Variants in ZNF536 observed in about 807,000 individuals in gnomAD.
ZNF536 encodes zinc finger protein 536.
Under a neutral mutation model 84.5 loss-of-function variants are expected in ZNF536, and 13 were observed. That is an observed-to-expected ratio of 0.15 (90% CI 0.10 to 0.24). ZNF536 has a LOEUF of 0.24. ZNF536 is among the 10% of genes least tolerant of loss of function. ZNF536 has a pLI of 1.00. For synonymous variants in ZNF536, 811 were observed against 742.5 expected, an observed-to-expected ratio of 1.09 and a Z score of -1.50; for missense variants, 1,536 against 1,747.5, an observed-to-expected ratio of 0.88 and a Z score of 2.16.
intron 1 of ZNF536, among the ~76,000 whole-genome samples, chr19:30,583,698 A>G (rs1449831511): frequency 6.6e-6 from 1 of 152,204 alleles, no homozygotes; most frequent in Non-Finnish European, 1.5e-5. Context: ...TGAGGGCAGC[A>G]ATCAATGCAT....
intron 2 of ZNF536, among the ~76,000 whole-genome samples, chr19:30,487,199 C>A (rs1046817527): frequency 3.9e-5 from 6 of 152,088 alleles, no homozygotes; most frequent in African/African-American, 1.4e-4. Context: ...AGAAATTTAT[C>A]CAAAGTATGA....
intron 2 of ZNF536, among the ~76,000 whole-genome samples, chr19:30,299,878 T>C (rs186826934): frequency 1.4e-4 from 21 of 152,298 alleles, no homozygotes; most frequent in Admixed American, 9.2e-4. Context: ...AAATTGCTGC[T>C]TTTTTATATC....
At chr19:30,612,826 T>C (rs2147062313) in intron 1 of ZNF536, among the ~76,000 whole-genome samples, 1 of 152,338 alleles carries the variant, frequency 6.6e-6, no homozygotes, top group South Asian at 2.1e-4. Flanking sequence ...TACGAATTAA[T>C]CTATAGACCT....
At chr19:30,240,134 C>T (rs1157163671) in intron 1 of ZNF536, among the ~76,000 whole-genome samples, 2 of 151,920 alleles carry the variant, frequency 1.3e-5, no homozygotes, top group Admixed American at 6.6e-5. Context: ...TTTGAGAGGC[C>T]GAGGCGAGCA....
chr19:30,259,197 G>C (rs569466897), intron 1 of ZNF536, among the ~76,000 whole-genome samples: 7 of 152,228 alleles, frequency 4.6e-5, no homozygotes, highest in Admixed American at 1.3e-4. Context: ...TGGCATCCAA[G>C]GTTTTTGCTT....
At chr19:30,579,691 C>A (rs987707638) in intron 1 of ZNF536, among the ~76,000 whole-genome samples, 1 of 152,186 alleles carries the variant, frequency 6.6e-6, no homozygotes, top group African/African-American at 2.4e-5. Context: ...GGTACTAATG[C>A]AATCAATCTC....
At chr19:30,712,934 G>GAAAAAAAAAAAAAAAAA (rs11329428) in exon 2 of ZNF536, 1 of 140,574 alleles carries the variant, frequency 7.1e-6, no homozygotes, top group Non-Finnish European at 1.5e-5. Flanking sequence ...AATAAAAAAA[G>GAAAAAAAAAAAAAAAAA]AAAAAAAAAA....
intron 1 of ZNF536, among the ~76,000 whole-genome samples, chr19:30,390,799 C>T (rs973127177): frequency 6.6e-6 from 1 of 152,160 alleles, no homozygotes; most frequent in Admixed American, 6.5e-5. Flanking sequence ...GCATCACCGC[C>T]AGCCCCCGCC....
rs1455144628 is a variant in ZNF536 at position 30,557,301 on chromosome 19, C to T, written c.*137C>T. On this transcript the variant is annotated 3_prime_UTR_variant, in exon 5 of 5. Transcript: ENST00000355537. ...ATGTGTGTTGAATAATTACTATTGG[C>T]ATAGGTATGTGTATACACACGGTGC... The T allele has an allele frequency of 9.0e-6, 9 of 997,944 alleles. No individual in the cohort carries two copies. Among genetic ancestry groups the T allele is most frequent in the Non-Finnish European group, 1.4e-5 (9 of 640,122 alleles). The allele number at this position is 997,944 out of a possible 1,614,324, so 61.8% of individuals were successfully genotyped here. A position where few individuals can be genotyped will look rare whatever the true frequency, so the allele number is the denominator to read the frequency against.
At chr19:30,685,435 T>G (rs1228339298) in intron 1 of ZNF536, among the ~76,000 whole-genome samples, 1 of 152,006 alleles carries the variant, frequency 6.6e-6, no homozygotes, top group Non-Finnish European at 1.5e-5. Context: ...AAACAAGCCT[T>G]CTTGATGCTT....
rs2148168989 is a variant in ZNF536, at chr19:30,444,109, G to A, written c.547G>A (p.Gly183Ser). The A allele has an allele frequency of 6.2e-7, 1 of 1,611,906 alleles. No individual in the cohort carries two copies. Among genetic ancestry groups the A allele is most frequent in the Non-Finnish European group, 8.5e-7 (1 of 1,179,160 alleles). The change falls in exon 2 of 5, where the codon GGC becomes AGC. Residue 183 changes from glycine to serine, a missense_variant. This residue lies in a region of ZNF536 where 138 missense variants were observed against 136.8 expected (regional missense o/e 1.01). Transcript: ENST00000355537. ...LKIHLRTHKLGNLGKGRGRVR... is the reference protein window; with the variant it reads ...LKIHLRTHKLSNLGKGRGRVR... Reference sequence around the variant, plus strand: ...GATTCACCTGCGGACCCACAAGCTGGGCAACCTGGGCAAGGGGCGTGGGCG... The same window carrying A: ...GATTCACCTGCGGACCCACAAGCTGAGCAACCTGGGCAAGGGGCGTGGGCG...
chr19:30,591,411 G>A (rs1282877489), intron 1 of ZNF536, among the ~76,000 whole-genome samples: 2 of 152,206 alleles, frequency 1.3e-5, no homozygotes. Flanking sequence ...GAAGGCAAAG[G>A]AGAAGCAAAG....
chr19:30,396,904 C>G (rs2049846832), intron 1 of ZNF536, among the ~76,000 whole-genome samples: 1 of 152,186 alleles, frequency 6.6e-6, no homozygotes, highest in Admixed American at 6.5e-5. Flanking sequence ...CGTGCCCAGC[C>G]AAGCAGGCTC....
chr19:30,553,812 A>C (rs780204779), intron 4 of ZNF536: 5 of 152,262 alleles, frequency 3.3e-5, no homozygotes, highest in Admixed American at 6.5e-5. Flanking sequence ...CCTGGGTGAC[A>C]GAGTGAAACC....
intron 1 of ZNF536, among the ~76,000 whole-genome samples, chr19:30,621,785 T>C (rs927988112): frequency 6.6e-6 from 1 of 152,248 alleles, no homozygotes; most frequent in African/African-American, 2.4e-5. Flanking sequence ...GATTCAGCTC[T>C]GCAGCTGCTT....
At chr19:30,597,434 T>C (rs1475644563) in intron 1 of ZNF536, among the ~76,000 whole-genome samples, 1 of 152,116 alleles carries the variant, frequency 6.6e-6, no homozygotes, top group African/African-American at 2.4e-5. Context: ...GAGAAGTGAA[T>C]GGGCTTCTAT....
chr19:30,390,804 C>A (rs2049555548), intron 1 of ZNF536, among the ~76,000 whole-genome samples: 1 of 152,124 alleles, frequency 6.6e-6, no homozygotes, highest in African/African-American at 2.4e-5. Flanking sequence ...ACCGCCAGCC[C>A]CCGCCCCCAT....
intron 2 of ZNF536, among the ~76,000 whole-genome samples, chr19:30,345,958 A>G (rs564563214): frequency 1.3e-5 from 2 of 152,316 alleles, no homozygotes; most frequent in African/African-American, 4.8e-5. Flanking sequence ...CGTGTACAGC[A>G]CTTGTGCTTT....
rs535331778 is a variant in ZNF536 at position 30,484,894 on chromosome 19, A to G, written c.2170+39162A>G. ...CGCGGTGGCTCACGCCTGTAATCCCAGCACTTTGGGAGGCCGAGGAGGGTG... is the reference window on the plus strand; with the variant it reads ...CGCGGTGGCTCACGCCTGTAATCCCGGCACTTTGGGAGGCCGAGGAGGGTG... On this transcript the variant is annotated intron_variant, in intron 2 of 4. Transcript: ENST00000355537. Among the ~76,000 whole-genome samples, 187 of 152,212 alleles carry G rather than the reference A, an allele frequency of 1.2e-3. 2 individuals carry two copies. Among genetic ancestry groups the G allele is most frequent in the Admixed American group, 5.0e-3 (77 of 15,288 alleles).
Sources: allele counts gnomAD v4.1 joint callset (sites outside exome capture counted in the v4.1 genomes callset), GRCh38; gene constraint gnomAD v4.1.1; regional missense constraint gnomAD v4.1.1; transcripts MANE v1.5; gene names NCBI Gene and HGNC (gene_info 2026-07-23, HGNC 2026-07-21).